MGAT4A: variants seen among roughly 807,000 people sequenced by gnomAD.
The protein encoded by MGAT4A is N-acetylglucosaminyltransferase IVa.
A neutral mutation model predicts 74.1 loss-of-function variants in MGAT4A; 33 were observed. The ratio of observed to expected loss-of-function variants is 0.45; its 90% CI spans 0.34 to 0.60. The LOEUF (loss-of-function observed/expected upper bound fraction) is 0.60, where lower values mean the gene tolerates loss of function less well. MGAT4A is among the 20% of genes least tolerant of loss of function. MGAT4A has a pLI of 0.02. For missense variants in MGAT4A, 479 were observed against 628.3 expected, an observed-to-expected ratio of 0.76 and a Z score of 2.54; for synonymous variants, 198 against 210.4, an observed-to-expected ratio of 0.94 and a Z score of 0.51.
chr2:98,639,757 C>T lies in MGAT4A; in HGVS notation c.1322+51G>A, dbSNP rs575870966. 5.9e-5 allele frequency: 88 copies of T among 1,485,694 alleles called. No homozygotes were observed. In the Admixed American group the frequency reaches 8.2e-4, roughly 14 times the overall value. The allele number at this position is 1,485,694 out of a possible 1,614,324, so 92.0% of individuals were successfully genotyped here. A position where few individuals can be genotyped will look rare whatever the true frequency, so the allele number is the denominator to read the frequency against. On this transcript the variant is annotated intron_variant, in intron 12 of 15. Coordinates refer to ENST00000393487, the MANE Select transcript of MGAT4A (RefSeq NM_012214.3). ...CAAAAATCTATTATAAATCACATTA[C>T]GAATAAGAGATCCAAATTGTAAGAT...
At position 98,623,961 on chromosome 2, in the gene MGAT4A, T is replaced by C; in HGVS notation, c.*1605A>G. 1.0e-6 allele frequency: 1 copy of C among 985,252 alleles called. No individual in the cohort carries two copies. The highest frequency in any genetic ancestry group is 1.2e-6 in the Non-Finnish European group (1 of 829,968). The allele number at this position is 985,252 out of a possible 1,614,324, so 61.0% of individuals were successfully genotyped here. A position where few individuals can be genotyped will look rare whatever the true frequency, so the allele number is the denominator to read the frequency against. ...GTCTGCAACCAACCTGCAACCCACT[T>C]GTGGCACCCCAGTGTGTCCAAGCAG... On this transcript the variant is annotated 3_prime_UTR_variant, in exon 16 of 16. Coordinates refer to ENST00000393487, the MANE Select transcript of MGAT4A (RefSeq NM_012214.3).
At chr2:98,663,204 T>C (rs1284400968) in intron 4 of MGAT4A, 25 bp from the exon 5 acceptor site, 1 of 1,558,662 alleles carries the variant, frequency 6.4e-7, no homozygotes, top group Non-Finnish European at 8.7e-7. Flanking sequence ...AGTAATTATA[T>C]TAAAAAACTG....
chr2:98,623,629 AT>A lies in MGAT4A; in HGVS notation c.*1936del, dbSNP rs753710003. On this transcript the variant is annotated 3_prime_UTR_variant, in exon 16 of 16. Transcript: ENST00000393487. ...AAATTTAAAACATCCTAATAAAAAA[AT>A]TTCAACTGGCCTTTAACTGACATAA... The A allele has an allele frequency of 4.1e-5, 40 of 985,296 alleles. No individual in the cohort carries two copies. The highest frequency in any genetic ancestry group is 4.8e-5 in the Non-Finnish European group (40 of 829,842). 61.0% of individuals were successfully genotyped at this position (985,296 alleles called of 1,614,324 possible).
At chr2:98,690,723 G>A (rs1310311234) in intron 2 of MGAT4A, among the ~76,000 whole-genome samples, 1 of 152,022 alleles carries the variant, frequency 6.6e-6, no homozygotes, top group Non-Finnish European at 1.5e-5. Flanking sequence ...GGATTTTAAA[G>A]CAGCCATCAT....
At chr2:98,656,164 A>T in intron 7 of MGAT4A, 188 bp downstream of exon 7, 1 of 518,366 alleles carries the variant, frequency 1.9e-6, no homozygotes, top group Non-Finnish European at 3.4e-6. Context: ...ATAAAAGCTA[A>T]TATTAAGTTT....
chr2:98,682,441 A>C (rs1490972788), intron 2 of MGAT4A, among the ~76,000 whole-genome samples: 4 of 151,212 alleles, frequency 2.6e-5, no homozygotes, highest in African/African-American at 9.7e-5. Flanking sequence ...AAAAAAAAAA[A>C]AAAAAACCAC....
chr2:98,686,756 A>T (rs143946522), intron 2 of MGAT4A, among the ~76,000 whole-genome samples: 1,758 of 152,258 alleles, frequency 0.012, 14 homozygotes, highest in Middle Eastern at 0.027. Context: ...CATGTTGCCC[A>T]GGCTGGTCCT....
chr2:98,683,547 A>ATT (rs57300760), intron 2 of MGAT4A, among the ~76,000 whole-genome samples: 16 of 148,548 alleles, frequency 1.1e-4, no homozygotes, highest in African/African-American at 3.9e-4. Flanking sequence ...TCATTTCATC[A>ATT]TTTTTTTTTT....
At chr2:98,660,457 C>CA (rs1553537232) in intron 5 of MGAT4A, among the ~76,000 whole-genome samples, 6 of 141,766 alleles carry the variant, frequency 4.2e-5, no homozygotes, top group Admixed American at 1.4e-4. Context: ...CACACACACA[C>CA]AACAAATAGC....
intron 2 of MGAT4A, among the ~76,000 whole-genome samples, chr2:98,710,560 A>T (rs1231621115): frequency 6.6e-6 from 1 of 152,092 alleles, no homozygotes; most frequent in Non-Finnish European, 1.5e-5. Context: ...CCCCAGTTCA[A>T]GTGATTCTCC....
intron 2 of MGAT4A, among the ~76,000 whole-genome samples, chr2:98,715,687 T>C (rs149697838): frequency 1.4e-4 from 21 of 152,262 alleles, no homozygotes; most frequent in African/African-American, 4.1e-4. Context: ...AAATAATTAA[T>C]GGGTATAATA....
chr2:98,719,148 A>G (rs1412082191), intron 2 of MGAT4A, among the ~76,000 whole-genome samples: 1 of 152,182 alleles, frequency 6.6e-6, no homozygotes, highest in Non-Finnish European at 1.5e-5. Context: ...AACCTGCAAA[A>G]GAGGTGGAAA....
At chr2:98,674,947 C>T in intron 4 of MGAT4A, 88 bp downstream of exon 4, 6 of 1,363,362 alleles carry the variant, frequency 4.4e-6, no homozygotes, top group Non-Finnish European at 6.1e-6. Context: ...CATTTTTTGA[C>T]CTCCCAGACT....
intron 2 of MGAT4A, among the ~76,000 whole-genome samples, chr2:98,684,321 G>A (rs1400425365): frequency 6.6e-6 from 1 of 152,170 alleles, no homozygotes; most frequent in Admixed American, 6.5e-5. Flanking sequence ...GTGGGAAACT[G>A]AAGGAACTTT....
At chr2:98,658,344 G>A in intron 5 of MGAT4A, 80 bp from the exon 6 acceptor site, 1 of 761,948 alleles carries the variant, frequency 1.3e-6, no homozygotes, top group Middle Eastern at 3.0e-4. Flanking sequence ...GAAATTAAAT[G>A]AATGATAAAA....
chr2:98,718,135 A>T (rs1306520638), intron 2 of MGAT4A, among the ~76,000 whole-genome samples: 1 of 152,206 alleles, frequency 6.6e-6, no homozygotes, highest in Non-Finnish European at 1.5e-5. Context: ...TAGTCTACTG[A>T]TTCAAAGGTA....
chr2:98,665,384 T>C (rs1043091639), intron 4 of MGAT4A, among the ~76,000 whole-genome samples: 20 of 148,708 alleles, frequency 1.3e-4, no homozygotes, highest in African/African-American at 4.0e-4. Context: ...GTAAAGACCA[T>C]GGATCTACCA....
At position 98,728,213 on chromosome 2, in the gene MGAT4A, C is replaced by T. The variant is rs994560831; in HGVS notation, c.-235-1646G>A. Among the ~76,000 whole-genome samples the T allele has an allele frequency of 7.9e-5, 12 of 152,298 alleles. 1 individual carries two copies. The South Asian group carries it at 2.5e-3, about 32-fold the overall frequency. Reference sequence around the variant, plus strand: ...TTAAACAAATCTCCACTTCCTGTAGCTTTTGGCTAATACCTCACCACAACC... The same window carrying T: ...TTAAACAAATCTCCACTTCCTGTAGTTTTTGGCTAATACCTCACCACAACC... On this transcript the variant is annotated intron_variant, in intron 1 of 15. Transcript: ENST00000393487.
intron 12 of MGAT4A, among the ~76,000 whole-genome samples, chr2:98,638,043 T>C (rs1283237013): frequency 6.6e-6 from 1 of 152,206 alleles, no homozygotes; most frequent in East Asian, 1.9e-4. Flanking sequence ...ACACAGGATG[T>C]CTCAGTTTTA....
Sources: gnomAD v4.1 joint callset for allele counts (sites outside exome capture counted in the v4.1 genomes callset) on GRCh38, gnomAD v4.1.1 for gene constraint, MANE v1.5 for transcripts, NCBI Gene and HGNC (gene_info 2026-07-23, HGNC 2026-07-21) for gene names.